The following RORB variants were observed in gnomAD, a reference collection of about 807,000 sequenced individuals.
The protein encoded by RORB is nuclear receptor ROR-beta.
In RORB, 6 loss-of-function variants were observed where a neutral mutation model predicts 59.1. The ratio of observed to expected loss-of-function variants is 0.10; its 90% CI spans 0.06 to 0.20. The LOEUF is 0.20. Ranked by LOEUF, RORB falls within the 10% of genes least tolerant of loss-of-function variation. The probability of loss-of-function intolerance (pLI) is 1.00; values close to 1 mark genes in which losing one functional copy is unlikely to be tolerated. For missense variants in RORB, 320 were observed against 560.5 expected, an observed-to-expected ratio of 0.57 and a Z score of 4.33; for synonymous variants, 215 against 204.5, an observed-to-expected ratio of 1.05 and a Z score of -0.44.
At chr9:74,625,713 G>T (rs2118400691) in intron 1 of RORB, among the ~76,000 whole-genome samples, 1 of 152,274 alleles carries the variant, frequency 6.6e-6, no homozygotes, top group South Asian at 2.1e-4. Flanking sequence ...CTACTTTAAG[G>T]AGTTATAAAA....
chr9:74,655,512 A>G (rs1456752888), intron 4 of RORB, among the ~76,000 whole-genome samples: 1 of 152,180 alleles, frequency 6.6e-6, no homozygotes, highest in East Asian at 1.9e-4. Flanking sequence ...AAGATTCCAT[A>G]TCCTCTGCTC....
At chr9:74,551,797 G>C (rs1254617363) in intron 1 of RORB, among the ~76,000 whole-genome samples, 1 of 152,166 alleles carries the variant, frequency 6.6e-6, no homozygotes, top group African/African-American at 2.4e-5. Context: ...AAAAATTATA[G>C]TGGTTGCCAT....
intron 1 of RORB, among the ~76,000 whole-genome samples, chr9:74,538,112 C>T (rs575600022): frequency 4.6e-5 from 7 of 152,114 alleles, no homozygotes; most frequent in African/African-American, 1.7e-4. Flanking sequence ...GTTACAATTG[C>T]CTACAGTATT....
intron 3 of RORB, among the ~76,000 whole-genome samples, chr9:74,641,230 G>T (rs568070148): frequency 2.6e-4 from 40 of 152,172 alleles, no homozygotes; most frequent in Non-Finnish European, 4.0e-4. Context: ...TCCTAAAAAG[G>T]CAGTTGACAA....
intron 4 of RORB, among the ~76,000 whole-genome samples, chr9:74,659,689 G>T (rs12351760): frequency 0.076 from 11,517 of 151,826 alleles, 1,457 homozygotes; most frequent in African/African-American, 0.26. Context: ...TAGAGATGGG[G>T]TTTCACCATG....
At chr9:74,579,833 G>A (rs926818681) in intron 1 of RORB, among the ~76,000 whole-genome samples, 1 of 152,156 alleles carries the variant, frequency 6.6e-6, no homozygotes, top group Non-Finnish European at 1.5e-5. Flanking sequence ...CATTGCGAGA[G>A]CAAGAGCGGT....
intron 1 of RORB, among the ~76,000 whole-genome samples, chr9:74,508,969 A>G (rs549357200): frequency 2.0e-5 from 3 of 151,940 alleles, no homozygotes; most frequent in African/African-American, 7.2e-5. Flanking sequence ...AGATATCCCT[A>G]ATCAACTATG....
chr9:74,573,802 G>A (rs561997286), intron 1 of RORB, among the ~76,000 whole-genome samples: 5 of 152,204 alleles, frequency 3.3e-5, no homozygotes, highest in South Asian at 2.1e-4. Flanking sequence ...GAAGGGAGAC[G>A]GAATTTCTGT....
chr9:74,592,718 CA>C (rs1048243011), intron 1 of RORB, among the ~76,000 whole-genome samples: 1 of 152,102 alleles, frequency 6.6e-6, no homozygotes, highest in Non-Finnish European at 1.5e-5. Context: ...CCATTGTAAA[CA>C]GTCATCTTCT....
intron 1 of RORB, among the ~76,000 whole-genome samples, chr9:74,547,165 T>A (rs1002817548): frequency 1.3e-5 from 2 of 152,062 alleles, no homozygotes; most frequent in Non-Finnish European, 2.9e-5. Flanking sequence ...GTGTGTAGGT[T>A]GCTGGAGAGA....
intron 6 of RORB, among the ~76,000 whole-genome samples, chr9:74,664,009 G>T (rs758808139): frequency 6.6e-6 from 1 of 152,128 alleles, no homozygotes; most frequent in Non-Finnish European, 1.5e-5. Context: ...TAGGAGACAT[G>T]GATTCTACTA....
chr9:74,612,660 T>G (rs982258588), intron 1 of RORB, among the ~76,000 whole-genome samples: 151 of 152,284 alleles, frequency 9.9e-4, no homozygotes, highest in African/African-American at 3.5e-3. Context: ...CAAGGCTCAG[T>G]AGACATAAAG....
intron 1 of RORB, among the ~76,000 whole-genome samples, chr9:74,541,237 G>A (rs528515825): frequency 3.9e-4 from 49 of 125,630 alleles, no homozygotes; most frequent in Admixed American, 7.1e-4. Context: ...CCAAGATCGC[G>A]CCACTGCTCT....
At chr9:74,522,124 C>G (rs112062933) in intron 1 of RORB, among the ~76,000 whole-genome samples, 37 of 151,838 alleles carry the variant, frequency 2.4e-4, no homozygotes, top group African/African-American at 8.0e-4. Context: ...AGATAACTTT[C>G]TCTAGAAAAC....
chr9:74,605,312 G>T (rs981284313), intron 1 of RORB, among the ~76,000 whole-genome samples: 4 of 152,164 alleles, frequency 2.6e-5, no homozygotes. Context: ...ATTTCACGAG[G>T]GTTAGGAGGA....
At chr9:74,566,626 G>A (rs560641842) in intron 1 of RORB, among the ~76,000 whole-genome samples, 9 of 152,114 alleles carry the variant, frequency 5.9e-5, no homozygotes, top group African/African-American at 1.4e-4. Flanking sequence ...GTGAAACCCC[G>A]TCTCTACTAA....
At chr9:74,666,633 C>T (rs1177555063) in intron 7 of RORB, among the ~76,000 whole-genome samples, 2 of 151,736 alleles carry the variant, frequency 1.3e-5, no homozygotes, top group African/African-American at 4.8e-5. Flanking sequence ...TTTCTTATGT[C>T]AATTTATCAT....
chr9:74,576,466 A>AGATCT (rs58068822), intron 1 of RORB, among the ~76,000 whole-genome samples: 1 of 151,804 alleles, frequency 6.6e-6, no homozygotes, highest in Non-Finnish European at 1.5e-5. Flanking sequence ...AGGGAGAAAG[A>AGATCT]GAAGGGAATT....
chr9:74,685,852 T>C lies in RORB; in HGVS notation c.*234T>C. 3.1e-6 allele frequency: 1 copy of C among 319,130 alleles called. No homozygotes were observed. Among genetic ancestry groups the C allele is most frequent in the Non-Finnish European group, 5.7e-6 (1 of 176,202 alleles). 19.8% of individuals were successfully genotyped at this position (319,130 alleles called of 1,614,324 possible). The stretch of plus-strand genomic sequence containing the variant: ...CCATAAATATACAAATATAGGACAC[T>C]GGGTGTTATCCTTTTTTTAATTTTA... On this transcript the variant is annotated 3_prime_UTR_variant, in exon 10 of 10. Transcript: ENST00000376896.
Sources: allele counts gnomAD v4.1 joint callset (sites outside exome capture counted in the v4.1 genomes callset), GRCh38; gene constraint gnomAD v4.1.1; transcripts MANE v1.5; gene names NCBI Gene and HGNC (gene_info 2026-07-23, HGNC 2026-07-21).